Variants in ARHGAP10 observed in about 807,000 individuals in gnomAD.
ARHGAP10 encodes the protein rho GTPase-activating protein 10.
In ARHGAP10, 87 loss-of-function variants were observed where a neutral mutation model predicts 108.6. The observed-to-expected ratio is 0.80, with a 90% CI of 0.67 to 0.96. The LOEUF is 0.96. ARHGAP10 is among the 40% of genes least tolerant of loss of function. ARHGAP10 has a pLI of 0.00. For missense variants in ARHGAP10, 939 were observed against 954.5 expected, an observed-to-expected ratio of 0.98 and a Z score of 0.21; for synonymous variants, 347 against 341.1, an observed-to-expected ratio of 1.02 and a Z score of -0.19.
chr4:147,790,348 A>G (rs1401880852), intron 1 of ARHGAP10, among the ~76,000 whole-genome samples: 1 of 152,190 alleles, frequency 6.6e-6, no homozygotes, highest in Non-Finnish European at 1.5e-5. Flanking sequence ...TAGTGTTTCA[A>G]CATATGAATT....
chr4:148,002,677 C>G (rs571418184), intron 18 of ARHGAP10, among the ~76,000 whole-genome samples: 5 of 152,158 alleles, frequency 3.3e-5, no homozygotes, highest in Non-Finnish European at 5.9e-5. Context: ...TCCATTTCTT[C>G]TAGATTTTCT....
intron 18 of ARHGAP10, among the ~76,000 whole-genome samples, chr4:147,999,275 G>A (rs1465862551): frequency 1.3e-5 from 2 of 152,220 alleles, no homozygotes; most frequent in African/African-American, 2.4e-5. Flanking sequence ...ACAGCAGGAG[G>A]GACAGTGATT....
intron 18 of ARHGAP10, among the ~76,000 whole-genome samples, chr4:148,003,423 T>C (rs991535300): frequency 6.6e-6 from 1 of 152,228 alleles, no homozygotes; most frequent in Non-Finnish European, 1.5e-5. Context: ...TGTGGATGTC[T>C]ATTAGGTCCA....
chr4:148,007,457 C>T (rs898961968), intron 18 of ARHGAP10, among the ~76,000 whole-genome samples: 1 of 152,128 alleles, frequency 6.6e-6, no homozygotes, highest in African/African-American at 2.4e-5. Context: ...TGCTCAGTAG[C>T]GAGAAGTATG....
At chr4:147,739,761 G>A (rs575549780) in intron 1 of ARHGAP10, among the ~76,000 whole-genome samples, 1 of 149,196 alleles carries the variant, frequency 6.7e-6, no homozygotes, top group South Asian at 2.1e-4. Flanking sequence ...TTTTGACGGA[G>A]TTTCGCTTTT....
intron 4 of ARHGAP10, chr4:147,854,738 C>A: frequency 1.0e-6 from 1 of 984,512 alleles, no homozygotes; most frequent in African/African-American, 1.7e-5. Context: ...AGAACAAATG[C>A]AGGAAGAAAT....
intron 10 of ARHGAP10, among the ~76,000 whole-genome samples, chr4:147,901,075 T>C (rs535479451): frequency 8.1e-4 from 123 of 152,360 alleles, no homozygotes; most frequent in African/African-American, 2.8e-3. Flanking sequence ...CTACAGAATT[T>C]TTATATTTTG....
chr4:147,804,395 T>G (rs913574457), intron 1 of ARHGAP10, among the ~76,000 whole-genome samples: 25 of 152,248 alleles, frequency 1.6e-4, no homozygotes, highest in African/African-American at 5.3e-4. Flanking sequence ...CTTTATCCAG[T>G]CTACTGTTGG....
At chr4:147,763,963 C>G (rs1410556585) in intron 1 of ARHGAP10, among the ~76,000 whole-genome samples, 1 of 151,978 alleles carries the variant, frequency 6.6e-6, no homozygotes, top group Non-Finnish European at 1.5e-5. Flanking sequence ...CCATGCTGGC[C>G]AGGCTGGTCT....
At chr4:147,808,159 A>G (rs190158559) in intron 1 of ARHGAP10, among the ~76,000 whole-genome samples, 102 of 152,304 alleles carry the variant, frequency 6.7e-4, no homozygotes, top group African/African-American at 2.3e-3. Context: ...TACAACTAAC[A>G]ACTGTGGGAC....
At chr4:147,867,797 G>A (rs1734627690) in intron 7 of ARHGAP10, among the ~76,000 whole-genome samples, 1 of 149,368 alleles carries the variant, frequency 6.7e-6, no homozygotes, top group African/African-American at 2.5e-5. Flanking sequence ...CCGGGAGGTG[G>A]AGGTTGCAGT....
rs34876546 is a variant in ARHGAP10 at position 148,039,368 on chromosome 4, A to ATTTTTTTTTTTTTTTTTTTT, written c.1868-7514_1868-7495dup. Reference sequence around the variant, plus strand: ...TTAATACTTTAAGAATACTACTTCAATTTTTTTTTTTTTTTTTTTTTTTTT... The same window carrying ATTTTTTTTTTTTTTTTTTTT: ...TTAATACTTTAAGAATACTACTTCAATTTTTTTTTTTTTTTTTTTTTTTTTTTTTTTTTTTTTTTTTTTTT... On this transcript the variant is annotated intron_variant, in intron 19 of 22. Transcript: ENST00000336498. Among the ~76,000 whole-genome samples the ATTTTTTTTTTTTTTTTTTTT allele has an allele frequency of 4.4e-4, 32 of 73,090 alleles. 4 individuals are homozygous for ATTTTTTTTTTTTTTTTTTTT. Among genetic ancestry groups the ATTTTTTTTTTTTTTTTTTTT allele is most frequent in the Non-Finnish European group, 6.8e-4 (26 of 38,440 alleles). The allele number at this position is 73,090 out of a possible 152,430, so 47.9% of individuals were successfully genotyped here. A position where few individuals can be genotyped will look rare whatever the true frequency, so the allele number is the denominator to read the frequency against.
intron 18 of ARHGAP10, among the ~76,000 whole-genome samples, chr4:148,000,946 A>C (rs984779367): frequency 6.6e-6 from 1 of 152,110 alleles, no homozygotes; most frequent in Non-Finnish European, 1.5e-5. Flanking sequence ...TCCCATCTGT[A>C]AATTTTGGCT....
chr4:147,866,652 T>A, intron 6 of ARHGAP10, 60 bp from the exon 7 acceptor site: 1 of 1,256,536 alleles, frequency 8.0e-7, no homozygotes, highest in Non-Finnish European at 1.2e-6. Context: ...GTTGTTTATA[T>A]GATTCTTTTT....
chr4:147,822,638 A>G (rs1732551946), intron 1 of ARHGAP10, 89 bp from the exon 2 acceptor site: 1 of 1,337,268 alleles, frequency 7.5e-7, no homozygotes, highest in South Asian at 1.2e-5. Flanking sequence ...GGAGAGCTCT[A>G]CAGCTTTACC....
At chr4:148,005,990 C>T (rs769715890) in intron 18 of ARHGAP10, among the ~76,000 whole-genome samples, 11 of 152,180 alleles carry the variant, frequency 7.2e-5, no homozygotes, top group East Asian at 3.8e-4. Flanking sequence ...ACACTCCTTC[C>T]GCAGAGATAT....
intron 20 of ARHGAP10, among the ~76,000 whole-genome samples, chr4:148,056,150 C>T (rs550497670): frequency 4.6e-5 from 7 of 152,320 alleles, no homozygotes; most frequent in South Asian, 2.1e-4. Flanking sequence ...CTCTCTGGCC[C>T]TTTACAGAAT....
chr4:147,761,697 C>A (rs1039848746), intron 1 of ARHGAP10, among the ~76,000 whole-genome samples: 1 of 152,186 alleles, frequency 6.6e-6, no homozygotes, highest in African/African-American at 2.4e-5. Context: ...TAACAGCAAA[C>A]AGAATGAATT....
intron 20 of ARHGAP10, 68 bp from the exon 21 acceptor site, chr4:148,063,080 G>T: frequency 1.9e-6 from 3 of 1,559,658 alleles, no homozygotes; most frequent in Admixed American, 3.4e-5. Flanking sequence ...CTGGGATTGG[G>T]ATGTTGTGCA....
Sources: gnomAD v4.1 joint callset for allele counts (sites outside exome capture counted in the v4.1 genomes callset) on GRCh38, gnomAD v4.1.1 for gene constraint, MANE v1.5 for transcripts, NCBI Gene and HGNC (gene_info 2026-07-23, HGNC 2026-07-21) for gene names.